Variants in NUAK2 observed in about 807,000 individuals in gnomAD.
NUAK2 encodes the protein NUAK family SNF1-like kinase 2.
In NUAK2, 20 loss-of-function variants were observed where a neutral mutation model predicts 29.8. The observed-to-expected ratio is 0.67, with a 90% CI of 0.47 to 0.98. The LOEUF (loss-of-function observed/expected upper bound fraction) is 0.98, where lower values mean the gene tolerates loss of function less well. Among genes scored for constraint, NUAK2 ranks in the 50% least tolerant of loss-of-function variants. The probability of loss-of-function intolerance (pLI) is 0.00; values close to 1 mark genes in which losing one functional copy is unlikely to be tolerated. For missense variants in NUAK2, 719 were observed against 834.5 expected, an observed-to-expected ratio of 0.86 and a Z score of 1.71; for synonymous variants, 331 against 342.6, an observed-to-expected ratio of 0.97 and a Z score of 0.37.
chr1:205,304,037 C>T lies in NUAK2; in HGVS notation c.1300G>A (p.Ala434Thr), dbSNP rs1237716381. 3 of 1,614,020 alleles carry T rather than the reference C, an allele frequency of 1.9e-6. No homozygotes were observed. In the East Asian group the frequency reaches 6.7e-5, roughly 36 times the overall value. Residue 434 changes from alanine (A) to threonine (T), a missense_variant, in exon 7 of 7, where the codon GCG becomes ACG. By Grantham distance (58) the Ala-to-Thr change is moderately conservative. Coordinates refer to ENST00000367157, the MANE Select transcript of NUAK2 (RefSeq NM_030952.3). The surrounding 1 kb of genome is among the most constrained non-coding windows in gnomAD (Gnocchi z 6.5). ...EDPPELSPIPASPGQAAPLLP... is the reference protein window; with the variant it reads ...EDPPELSPIPTSPGQAAPLLP... ...AGGGGGGCAGCCTGCCCTGGGCTCGCAGGGATTGGGCTGAGCTCCGGAGGG... is the reference window on the plus strand; with the variant it reads ...AGGGGGGCAGCCTGCCCTGGGCTCGTAGGGATTGGGCTGAGCTCCGGAGGG...
rs896271504 is a variant in NUAK2, at chr1:205,321,253, C to T, written c.231+145G>A. 7 of 710,076 alleles carry T rather than the reference C, an allele frequency of 9.9e-6. No homozygotes were observed. In the East Asian group the frequency reaches 1.8e-4, roughly 18 times the overall value. The allele number at this position is 710,076 out of a possible 1,614,324, so 44.0% of individuals were successfully genotyped here. A position where few individuals can be genotyped will look rare whatever the true frequency, so the allele number is the denominator to read the frequency against. ...ACTGACACATCTGCCAGGGACACCC[C>T]GCAGTAGCCCCGCAAGCTCAGCGCG... On this transcript the variant is annotated intron_variant, in intron 1 of 6. Transcript: ENST00000367157.
At chr1:205,306,085 C>T (rs1475417631) in intron 5 of NUAK2, 103 bp downstream of exon 5, 4 of 1,446,272 alleles carry the variant, frequency 2.8e-6, no homozygotes, top group Non-Finnish European at 2.8e-6. Flanking sequence ...GAGAGTTGTG[C>T]TCTGAAAATG....
chr1:205,312,331 G>A (rs1191565496), intron 1 of NUAK2, among the ~76,000 whole-genome samples: 1 of 152,166 alleles, frequency 6.6e-6, no homozygotes, highest in Non-Finnish European at 1.5e-5. Flanking sequence ...AAGAAACTGG[G>A]ACCCAGAGAG....
At chr1:205,311,005 A>G (rs1662250911) in intron 2 of NUAK2, among the ~76,000 whole-genome samples, 1 of 152,130 alleles carries the variant, frequency 6.6e-6, no homozygotes, top group African/African-American at 2.4e-5. Flanking sequence ...CTCGCTTCTC[A>G]TCTAACTGAT....
chr1:205,311,034 GC>G (rs1288041873), intron 2 of NUAK2, among the ~76,000 whole-genome samples: 1 of 152,180 alleles, frequency 6.6e-6, no homozygotes, highest in Non-Finnish European at 1.5e-5. Flanking sequence ...AAGTCTCGAC[GC>G]AGACAGGTGT....
At position 205,303,464 on chromosome 1, in the gene NUAK2, A is replaced by G; in HGVS notation, c.1873T>C (p.Ser625Pro). 6.3e-7 allele frequency: 1 copy of G among 1,589,896 alleles called. No homozygotes were observed. The highest frequency in any genetic ancestry group is 8.6e-7 in the Non-Finnish European group (1 of 1,168,046). The change falls in exon 7 of 7, where the codon TCA (serine) becomes CCA (proline). Residue 625 changes from serine (S) to proline (P), a missense_variant. Ser to Pro is a moderately conservative substitution (Grantham distance 74). Transcript: ENST00000367157. ...ATYRQALRVC[S>P]KLT ...GCCTACTCCACTCAGGTGAGCTTTG[A>G]GCAGACCCTCAGTGCCTGTCGGTAG...
intron 1 of NUAK2, among the ~76,000 whole-genome samples, chr1:205,312,346 G>C (rs1028122592): frequency 1.6e-4 from 25 of 152,350 alleles, no homozygotes; most frequent in African/African-American, 5.3e-4. Flanking sequence ...AGAGAGGTTA[G>C]ATGATGTGCT....
At position 205,308,974 on chromosome 1, in the gene NUAK2, G is replaced by A. The variant is rs1662220536; in HGVS notation, c.353-242C>T. ...TGGCTCATCCTCTGCCTCCGTGGAA[G>A]TTCAGGCTTTTGGGAATTCTGAAAA... On this transcript the variant is annotated intron_variant, in intron 2 of 6. Transcript: ENST00000367157. The surrounding 1 kb of genome is among the most constrained non-coding windows in gnomAD (Gnocchi z 4.1). 6.6e-6 allele frequency among the ~76,000 whole-genome samples: 1 copy of A among 152,034 alleles called. No individual in the cohort carries two copies. The highest frequency in any genetic ancestry group is 6.6e-5 in the Admixed American group (1 of 15,242).
At chr1:205,318,102 C>G (rs1043548951) in intron 1 of NUAK2, among the ~76,000 whole-genome samples, 21 of 152,344 alleles carry the variant, frequency 1.4e-4, no homozygotes, top group African/African-American at 4.1e-4. Context: ...AGAGAGGTTG[C>G]ACAGCTGGTA....
intron 1 of NUAK2, among the ~76,000 whole-genome samples, chr1:205,312,982 G>A (rs1003378765): frequency 1.3e-5 from 2 of 152,178 alleles, no homozygotes; most frequent in East Asian, 1.9e-4. Context: ...AATATTGTAT[G>A]ATCCCACTTA....
chr1:205,317,905 C>G (rs77060023), intron 1 of NUAK2, among the ~76,000 whole-genome samples: 1 of 152,324 alleles, frequency 6.6e-6, no homozygotes, highest in African/African-American at 2.4e-5. Context: ...ACCTCCAGGA[C>G]GCAGGGATTC....
chr1:205,312,194 C>T (rs1326754453), intron 1 of NUAK2, among the ~76,000 whole-genome samples: 1 of 152,198 alleles, frequency 6.6e-6, no homozygotes, highest in East Asian at 1.9e-4. Context: ...TTTTGCTCAC[C>T]ACTGAATTCT....
chr1:205,303,769 G>C lies in NUAK2; in HGVS notation c.1568C>G (p.Ser523Cys). ...GCGAGGTGGGGCGAGTTCATCCAGG[G>C]AGCCGAAGGTGGTGGGGGCCGCGAG... ...LELAAPTTFG[S>C]LDELAPPRPL... The change falls in exon 7 of 7, where the codon TCC (serine) becomes TGC (cysteine). Residue 523 changes from serine (S) to cysteine (C), a missense_variant. Transcript: ENST00000367157. 2 of 1,551,062 alleles carry C rather than the reference G, an allele frequency of 1.3e-6. No individual in the cohort carries two copies. Among genetic ancestry groups the C allele is most frequent in the African/African-American group, 2.7e-5 (2 of 73,076 alleles).
Position 205,308,831 on chromosome 1 carries a change from C to G in NUAK2, c.353-99G>C. On this transcript the variant is annotated intron_variant, in intron 2 of 6. Transcript: ENST00000367157. This position sits in a 1 kb window ranked among gnomAD's most constrained non-coding sequence, Gnocchi z 4.1. ...CCCCGACCCCAGGCCCCAAACCAGACAGGACCCCCCTCCAGGAATATCTGC... is the reference window on the plus strand; with the variant it reads ...CCCCGACCCCAGGCCCCAAACCAGAGAGGACCCCCCTCCAGGAATATCTGC... 2.9e-6 allele frequency: 4 copies of G among 1,357,278 alleles called. No homozygotes were observed. The highest frequency in any genetic ancestry group is 4.1e-6 in the Non-Finnish European group (4 of 976,304). The allele number at this position is 1,357,278 out of a possible 1,614,324, so 84.1% of individuals were successfully genotyped here.
At chr1:205,315,476 C>T (rs1267576059) in intron 1 of NUAK2, among the ~76,000 whole-genome samples, 1 of 152,238 alleles carries the variant, frequency 6.6e-6, no homozygotes, top group Non-Finnish European at 1.5e-5. Context: ...TTCTCCTCTT[C>T]TTCCTAGACA....
intron 5 of NUAK2, among the ~76,000 whole-genome samples, chr1:205,305,826 C>T (rs1382818100): frequency 6.6e-6 from 1 of 152,176 alleles, no homozygotes; most frequent in Non-Finnish European, 1.5e-5. Flanking sequence ...ATTCTCCTGC[C>T]TCAGCCTCCC....
At chr1:205,311,220 G>A (rs910279891) in intron 2 of NUAK2, among the ~76,000 whole-genome samples, 3 of 152,174 alleles carry the variant, frequency 2.0e-5, no homozygotes, top group African/African-American at 7.2e-5. Context: ...ATGATTCAGA[G>A]CCCAGGTCAG....
Position 205,308,338 on chromosome 1 carries a change from G to A in NUAK2, c.505-108C>T. ...CACAAAGGGAGCCAAGTGGGCTTGA[G>A]CACAGGTAGGCTGGGAATGCCTATC... On this transcript the variant is annotated intron_variant, in intron 3 of 6. Transcript: ENST00000367157. The surrounding 1 kb of genome is among the most constrained non-coding windows in gnomAD (Gnocchi z 4.1). 1.1e-6 allele frequency: 1 copy of A among 874,584 alleles called. No homozygotes were observed. Among genetic ancestry groups the A allele is most frequent in the Non-Finnish European group, 1.8e-6 (1 of 556,252 alleles). The allele number at this position is 874,584 out of a possible 1,614,324, so 54.2% of individuals were successfully genotyped here.
At chr1:205,312,394 C>T (rs1662269006) in intron 1 of NUAK2, among the ~76,000 whole-genome samples, 1 of 152,210 alleles carries the variant, frequency 6.6e-6, no homozygotes, top group Admixed American at 6.5e-5. Context: ...GTGGATTCGA[C>T]TACTGGCCAT....
Sources: gnomAD v4.1 joint callset for allele counts (sites outside exome capture counted in the v4.1 genomes callset) on GRCh38, gnomAD v4.1.1 for gene constraint, Gnocchi (gnomAD v3.1) non-coding constraint, MANE v1.5 for transcripts, NCBI Gene and HGNC (gene_info 2026-07-23, HGNC 2026-07-21) for gene names.